Variants in C10orf90 observed in about 807,000 individuals in gnomAD.
C10orf90 encodes the protein chromosome 10 open reading frame 90, also known as (E2-independent) E3 ubiquitin-conjugating enzyme FATS.
In C10orf90, 56 loss-of-function variants were observed where a neutral mutation model predicts 62.5. The observed-to-expected ratio is 0.90, with a 90% CI of 0.72 to 1.12. The LOEUF is 1.12. Among genes scored for constraint, C10orf90 ranks in the 50% most tolerant of loss-of-function variants. C10orf90 has a pLI of 0.00. For synonymous variants in C10orf90, 386 were observed against 340.4 expected (o/e 1.13, Z -1.47); for missense variants, 970 against 880.4 (o/e 1.10, Z -1.29).
At chr10:126,449,052 C>G (rs989974834) in intron 7 of C10orf90, among the ~76,000 whole-genome samples, 2 of 152,162 alleles carry the variant, frequency 1.3e-5, no homozygotes, top group Non-Finnish European at 2.9e-5. Flanking sequence ...CATCATTACT[C>G]TGACACCAAA....
At chr10:126,576,678 C>T (rs1412033361) in intron 2 of C10orf90, among the ~76,000 whole-genome samples, 5 of 33,854 alleles carry the variant, frequency 1.5e-4, no homozygotes, top group Non-Finnish European at 2.8e-4. Context: ...TATATGTATA[C>T]ATATACATAT....
At chr10:126,442,219 C>T (rs1366898822) in intron 7 of C10orf90, among the ~76,000 whole-genome samples, 1 of 151,514 alleles carries the variant, frequency 6.6e-6, no homozygotes, top group Admixed American at 6.6e-5. Flanking sequence ...AAAGGCATTT[C>T]ATGCAAATGG....
intron 2 of C10orf90, among the ~76,000 whole-genome samples, chr10:126,519,177 G>A (rs1863609233): frequency 6.6e-6 from 1 of 152,168 alleles, no homozygotes. Context: ...TGAACAGAGT[G>A]GAGAGGGATG....
intron 7 of C10orf90, among the ~76,000 whole-genome samples, chr10:126,452,571 T>C (rs1216097354): frequency 6.6e-6 from 1 of 152,234 alleles, no homozygotes; most frequent in Non-Finnish European, 1.5e-5. Context: ...CCTCATAAAG[T>C]CATTTTCCTT....
intron 2 of C10orf90, among the ~76,000 whole-genome samples, chr10:126,596,138 T>TAA (rs34919079): frequency 0.024 from 3,050 of 126,582 alleles, 132 homozygotes; most frequent in African/African-American, 0.081. Context: ...ATCTCTTATT[T>TAA]AAAAAAAAAA....
rs11814142 is a variant in C10orf90 at position 126,469,670 on chromosome 10, C to A, written c.1535-4684G>T. On this transcript the variant is annotated intron_variant, in intron 4 of 9. Coordinates refer to ENST00000488181, the MANE Select transcript of C10orf90 (RefSeq NM_001350921.2). ...CTCTTTGCCATGAACCTAAACAGCC[C>A]CAGACTGCCTTCTGCCCTCAACACC... 7.5e-3 allele frequency: 2,637 copies of A among 351,202 alleles called. 65 individuals are homozygous for A. Among genetic ancestry groups the A allele is most frequent in the African/African-American group, 0.052 (2,440 of 46,768 alleles). 21.8% of individuals were successfully genotyped at this position (351,202 alleles called of 1,614,324 possible). A position where few individuals can be genotyped will look rare whatever the true frequency, so the allele number is the denominator to read the frequency against.
At chr10:126,515,655 C>T (rs1167651401) in intron 2 of C10orf90, among the ~76,000 whole-genome samples, 2 of 152,152 alleles carry the variant, frequency 1.3e-5, no homozygotes, top group Admixed American at 1.3e-4. Flanking sequence ...CAGAACATAT[C>T]CCCATCCTGA....
chr10:126,441,003 C>T (rs546955143), intron 7 of C10orf90, among the ~76,000 whole-genome samples: 29 of 152,248 alleles, frequency 1.9e-4, no homozygotes, highest in Admixed American at 3.3e-4. Context: ...ATCACACTGG[C>T]TTACCAGCAA....
chr10:126,429,990 G>C (rs1023162760), intron 7 of C10orf90, 140 bp from the exon 8 acceptor site: 4 of 723,538 alleles, frequency 5.5e-6, no homozygotes, highest in Admixed American at 4.8e-5. Context: ...ACTCAGTAGA[G>C]ACTGATACAC....
Position 126,565,133 on chromosome 10 carries a change from A to ATGT in C10orf90, c.314-51195_314-51194insACA, listed in dbSNP as rs1471799848. Among the ~76,000 whole-genome samples, 204 of 21,648 alleles carry ATGT rather than the reference A, an allele frequency of 9.4e-3. 48 individuals carry two copies. The highest frequency in any genetic ancestry group is 0.013 in the Non-Finnish European group (132 of 10,262). 14.2% of individuals were successfully genotyped at this position (21,648 alleles called of 152,430 possible). A position where few individuals can be genotyped will look rare whatever the true frequency, so the allele number is the denominator to read the frequency against. On this transcript the variant is annotated intron_variant, in intron 2 of 9. Coordinates refer to ENST00000488181, the MANE Select transcript of C10orf90 (RefSeq NM_001350921.2). ...ATATATATTATATAATATATAATATAAATATAATATTAAATATGTAATATA... is the reference window on the plus strand; with the variant it reads ...ATATATATTATATAATATATAATATATGTAATATAATATTAAATATGTAATATA...
intron 2 of C10orf90, among the ~76,000 whole-genome samples, chr10:126,566,374 T>C (rs61864683): frequency 0.034 from 5,181 of 152,286 alleles, 167 homozygotes; most frequent in African/African-American, 0.071. Flanking sequence ...GAAAGTGGAC[T>C]GAATCTTTAC....
chr10:126,428,176 A>T (rs1046867521), intron 8 of C10orf90, among the ~76,000 whole-genome samples: 7 of 152,118 alleles, frequency 4.6e-5, no homozygotes, highest in African/African-American at 1.7e-4. Flanking sequence ...TCATGGTTAA[A>T]AATCACATAG....
At chr10:126,614,560 G>A (rs549998898) in intron 2 of C10orf90, among the ~76,000 whole-genome samples, 10 of 152,064 alleles carry the variant, frequency 6.6e-5, no homozygotes, top group Non-Finnish European at 1.0e-4. Flanking sequence ...GGTGGATGTG[G>A]GCCACTGGGG....
intron 4 of C10orf90, among the ~76,000 whole-genome samples, chr10:126,475,544 T>G (rs1860812906): frequency 6.6e-6 from 1 of 152,214 alleles, no homozygotes; most frequent in African/African-American, 2.4e-5. Flanking sequence ...GACAGCTGTT[T>G]CCTGGCAATA....
At chr10:126,663,987 C>G (rs145250850) in intron 1 of C10orf90, among the ~76,000 whole-genome samples, 1 of 152,272 alleles carries the variant, frequency 6.6e-6, no homozygotes, top group East Asian at 1.9e-4. Context: ...TGCTTTCTAC[C>G]TTAGCCCTAG....
intron 7 of C10orf90, among the ~76,000 whole-genome samples, chr10:126,441,327 C>T (rs1391395801): frequency 2.6e-5 from 4 of 151,908 alleles, no homozygotes; most frequent in Non-Finnish European, 4.4e-5. Flanking sequence ...CCCAACCCAA[C>T]AAAGACAAAC....
intron 7 of C10orf90, among the ~76,000 whole-genome samples, chr10:126,451,065 T>A (rs1590925087): frequency 1.3e-5 from 2 of 150,884 alleles, no homozygotes; most frequent in Non-Finnish European, 3.0e-5. Flanking sequence ...AAAAAAAAAA[T>A]TGGCCAACAG....
intron 3 of C10orf90, among the ~76,000 whole-genome samples, chr10:126,506,542 G>T (rs199706546): frequency 6.6e-6 from 1 of 152,244 alleles, no homozygotes; most frequent in Non-Finnish European, 1.5e-5. Context: ...ATCCCAACAT[G>T]CAGAGAATGG....
chr10:126,647,381 C>T (rs1846192636), intron 1 of C10orf90, among the ~76,000 whole-genome samples: 1 of 152,218 alleles, frequency 6.6e-6, no homozygotes, highest in East Asian at 1.9e-4. Flanking sequence ...ATGAGCTGGG[C>T]TCTAATTGTG....
Sources: allele counts gnomAD v4.1 joint callset (sites outside exome capture counted in the v4.1 genomes callset), GRCh38; gene constraint gnomAD v4.1.1; transcripts MANE v1.5; gene names NCBI Gene and HGNC (gene_info 2026-07-23, HGNC 2026-07-21).